Variants in JAKMIP1 observed in about 807,000 individuals in gnomAD.
The protein encoded by JAKMIP1 is janus kinase and microtubule-interacting protein 1.
JAKMIP1 carries 33 observed loss-of-function variants against 113.0 expected under a neutral mutation model. That is an observed-to-expected ratio of 0.29 (90% confidence interval 0.22 to 0.39). JAKMIP1 has a LOEUF of 0.39. JAKMIP1 is among the 10% of genes least tolerant of loss of function. JAKMIP1 has a pLI of 1.00. For synonymous variants in JAKMIP1, 480 were observed against 459.9 expected, an observed-to-expected ratio of 1.04 and a Z score of -0.56; for missense variants, 813 against 1,080.5, an observed-to-expected ratio of 0.75 and a Z score of 3.47.
rs1382340950 is a variant in JAKMIP1 at position 6,137,079 on chromosome 4, C to T, written c.-147-24082G>A. 2.0e-5 allele frequency among the ~76,000 whole-genome samples: 3 copies of T among 152,148 alleles called. No homozygotes were observed. The highest frequency in any genetic ancestry group is 4.4e-5 in the Non-Finnish European group (3 of 68,018). ...CCTACACGGTGTCCCCTCCGATGTG[C>T]CCCCACCGAGGGAATAATCACTCTT... On this transcript the variant is annotated intron_variant, in intron 1 of 20. Transcript: ENST00000409021. This position sits in a 1 kb window ranked among gnomAD's most constrained non-coding sequence, Gnocchi z 4.5.
At chr4:6,109,645 C>T (rs945104485) in intron 2 of JAKMIP1, among the ~76,000 whole-genome samples, 1 of 151,998 alleles carries the variant, frequency 6.6e-6, no homozygotes, top group South Asian at 2.1e-4. Context: ...CCAAACACTT[C>T]TCACTCAGCC....
At chr4:6,152,955 G>T (rs955406918) in intron 1 of JAKMIP1, among the ~76,000 whole-genome samples, 2 of 151,470 alleles carry the variant, frequency 1.3e-5, no homozygotes, top group African/African-American at 4.9e-5. Context: ...TGGGCAACAA[G>T]AGTGAGACTC....
intron 1 of JAKMIP1, among the ~76,000 whole-genome samples, chr4:6,161,119 C>G (rs939493289): frequency 6.7e-6 from 1 of 148,660 alleles, no homozygotes; most frequent in African/African-American, 2.5e-5. Context: ...GATCTCCACT[C>G]ATCTCCCCTG....
chr4:6,057,017 A>G (rs758239009), intron 11 of JAKMIP1, among the ~76,000 whole-genome samples: 1 of 152,204 alleles, frequency 6.6e-6, no homozygotes, highest in African/African-American at 2.4e-5. Context: ...TCTAATTAAC[A>G]GAAACATGCC....
intron 2 of JAKMIP1, among the ~76,000 whole-genome samples, chr4:6,109,994 A>G (rs1689117626): frequency 6.6e-6 from 1 of 152,190 alleles, no homozygotes. Context: ...GGAAATTGCC[A>G]CACGTCCCAG....
At chr4:6,047,023 G>C (rs971743183) in intron 16 of JAKMIP1, among the ~76,000 whole-genome samples, 1 of 152,220 alleles carries the variant, frequency 6.6e-6, no homozygotes, top group African/African-American at 2.4e-5. Flanking sequence ...CATGGCCCCA[G>C]GTGCTTGATT....
intron 1 of JAKMIP1, among the ~76,000 whole-genome samples, chr4:6,130,637 A>G (rs1718362695): frequency 6.6e-6 from 1 of 152,360 alleles, no homozygotes; most frequent in Admixed American, 6.5e-5. Context: ...TGGAAAAAGC[A>G]GACAACATGC....
At position 6,036,729 on chromosome 4, in the gene JAKMIP1, A is replaced by G. The variant is rs535915074; in HGVS notation, c.2176-622T>C. 5.4e-4 allele frequency among the ~76,000 whole-genome samples: 83 copies of G among 152,358 alleles called. No homozygotes were observed. The South Asian group carries it at 0.017, about 30-fold the overall frequency. ...ATGTTACTCGTTTTCACAGCAAGACACTTAAATGTAGCTATCTTATGGCAA... is the reference window on the plus strand; with the variant it reads ...ATGTTACTCGTTTTCACAGCAAGACGCTTAAATGTAGCTATCTTATGGCAA... On this transcript the variant is annotated intron_variant, in intron 18 of 20. Transcript: ENST00000409021.
At chr4:6,055,259 G>C (rs1412911698) in intron 12 of JAKMIP1, among the ~76,000 whole-genome samples, 1 of 152,142 alleles carries the variant, frequency 6.6e-6, no homozygotes, top group African/African-American at 2.4e-5. Flanking sequence ...GGCAGAGGGG[G>C]GACTGCACAT....
chr4:6,055,701 C>A (rs186491533), intron 12 of JAKMIP1, among the ~76,000 whole-genome samples: 108 of 152,186 alleles, frequency 7.1e-4, no homozygotes, highest in African/African-American at 2.4e-3. Flanking sequence ...TCAGGGACAG[C>A]CCTCCCCATT....
chr4:6,136,992 C>T lies in JAKMIP1; in HGVS notation c.-147-23995G>A, dbSNP rs1172798337. Among the ~76,000 whole-genome samples the T allele has an allele frequency of 6.6e-6, 1 of 152,200 alleles. No homozygotes were observed. Among genetic ancestry groups the T allele is most frequent in the Non-Finnish European group, 1.5e-5 (1 of 68,038 alleles). ...GGTGGCATGGGGAGCCAGGATTCCACCAGGCCCCTGGGACTCTGCAGCCTA... is the reference window on the plus strand; with the variant it reads ...GGTGGCATGGGGAGCCAGGATTCCATCAGGCCCCTGGGACTCTGCAGCCTA... On this transcript the variant is annotated intron_variant, in intron 1 of 20. Coordinates refer to ENST00000409021, the MANE Select transcript of JAKMIP1 (RefSeq NM_001099433.2). This position sits in a 1 kb window ranked among gnomAD's most constrained non-coding sequence, Gnocchi z 5.9.
intron 1 of JAKMIP1, among the ~76,000 whole-genome samples, chr4:6,126,226 A>ATG (rs1717560393): frequency 2.0e-5 from 3 of 149,920 alleles, no homozygotes; most frequent in Non-Finnish European, 1.5e-5. Flanking sequence ...GGAAACACAC[A>ATG]CACGCAAACA....
At position 6,189,386 on chromosome 4, in the gene JAKMIP1, G is replaced by A. The variant is rs148343030; in HGVS notation, c.-148+10867C>T. 9.4e-3 allele frequency among the ~76,000 whole-genome samples: 1,427 copies of A among 152,340 alleles called. 19 individuals are homozygous for A. Among genetic ancestry groups the A allele is most frequent in the Middle Eastern group, 0.024 (7 of 294 alleles). On this transcript the variant is annotated intron_variant, in intron 1 of 20. Coordinates refer to ENST00000409021, the MANE Select transcript of JAKMIP1 (RefSeq NM_001099433.2). ...CACCCCAAGCATTATAGTATCTGAG[G>A]CTCAGACAATTGACTGTCACTAGAG...
At chr4:6,056,136 T>A (rs2108775853) in intron 12 of JAKMIP1, among the ~76,000 whole-genome samples, 1 of 131,360 alleles carries the variant, frequency 7.6e-6, no homozygotes, top group African/African-American at 2.9e-5. Context: ...AGGGTGTCCT[T>A]AGAGAACAAG....
chr4:6,036,032 T>A lies in JAKMIP1; in HGVS notation c.2251A>T (p.Ser751Cys), dbSNP rs991483946. 11 of 1,553,840 alleles carry A rather than the reference T, an allele frequency of 7.1e-6. No homozygotes were observed. The highest frequency in any genetic ancestry group is 2.0e-5 in the Admixed American group (1 of 51,202). ...TGCAGGTCCTCCCGCTGGCCCTCGC[T>A]CAGCGCCTCACCGGCCCTCCGCCCC... is the stretch of plus-strand genomic sequence containing the variant. Reference protein sequence around the residue: ...EPGRRAGEALSEGQREDLQAA... With the variant: ...EPGRRAGEALCEGQREDLQAA... Residue 751 changes from serine to cysteine, a missense_variant, in exon 19 of 21, where the codon AGC becomes TGC. By Grantham distance (112) the Ser-to-Cys change is moderately radical. Coordinates refer to ENST00000409021, the MANE Select transcript of JAKMIP1 (RefSeq NM_001099433.2).
chr4:6,161,037 A>G (rs1412940440), intron 1 of JAKMIP1, among the ~76,000 whole-genome samples: 1 of 94,382 alleles, frequency 1.1e-5, no homozygotes, highest in African/African-American at 4.7e-5. Flanking sequence ...CCTGACCTCC[A>G]CTCACCTCCC....
At chr4:6,034,489 AC>A in intron 19 of JAKMIP1, among the ~76,000 whole-genome samples, 1 of 152,140 alleles carries the variant, frequency 6.6e-6, no homozygotes, top group South Asian at 2.1e-4. Context: ...AGGCCATGGT[AC>A]CCAGATATTT....
chr4:6,057,811 A>G (rs965277857), intron 11 of JAKMIP1, among the ~76,000 whole-genome samples: 2 of 152,208 alleles, frequency 1.3e-5, no homozygotes, highest in East Asian at 1.9e-4. Context: ...AGCAGAGGTG[A>G]CCTGAGCAGA....
rs1174625558 is a variant in JAKMIP1, at chr4:6,138,559, G to C, written c.-147-25562C>G. On this transcript the variant is annotated intron_variant, in intron 1 of 20. Coordinates refer to ENST00000409021, the MANE Select transcript of JAKMIP1 (RefSeq NM_001099433.2). The surrounding 1 kb of genome is among the most constrained non-coding windows in gnomAD (Gnocchi z 6.0). ...GCCTAGAATCCAAGTTAAAATTAAA[G>C]AGGGACACACAAAACCATTTTAAAC... 6.6e-6 allele frequency among the ~76,000 whole-genome samples: 1 copy of C among 152,104 alleles called. No homozygotes were observed. The highest frequency in any genetic ancestry group is 1.5e-5 in the Non-Finnish European group (1 of 68,034).
Sources: gnomAD v4.1 joint callset for allele counts (sites outside exome capture counted in the v4.1 genomes callset) on GRCh38, gnomAD v4.1.1 for gene constraint, Gnocchi (gnomAD v3.1) non-coding constraint, MANE v1.5 for transcripts, NCBI Gene and HGNC (gene_info 2026-07-23, HGNC 2026-07-21) for gene names.